Variants in CCDC150 observed in about 807,000 individuals in gnomAD.
The protein encoded by CCDC150 is coiled-coil domain containing 150.
A neutral mutation model predicts 156.5 loss-of-function variants in CCDC150; 151 were observed. The ratio of observed to expected loss-of-function variants is 0.97; its 90% CI spans 0.85 to 1.10. CCDC150 has a LOEUF of 1.10. Ranked by LOEUF, CCDC150 falls within the 50% of genes least tolerant of loss-of-function variation. CCDC150 has a pLI of 0.00. For missense variants in CCDC150, 1,312 were observed against 1,268.1 expected, an observed-to-expected ratio of 1.03 and a Z score of -0.53; for synonymous variants, 452 against 429.4, an observed-to-expected ratio of 1.05 and a Z score of -0.65.
chr2:196,645,245 A>T (rs1167115971), intron 1 of CCDC150, among the ~76,000 whole-genome samples: 2 of 152,192 alleles, frequency 1.3e-5, no homozygotes, highest in Admixed American at 1.3e-4. Context: ...CCCCACCATG[A>T]TTCTTGCTCC....
intron 15 of CCDC150, among the ~76,000 whole-genome samples, chr2:196,708,170 C>T (rs955305149): frequency 6.6e-6 from 1 of 152,086 alleles, no homozygotes; most frequent in Non-Finnish European, 1.5e-5. Flanking sequence ...TAAGAACTTC[C>T]TTTATGAATC....
chr2:196,646,495 G>A lies in CCDC150; in HGVS notation c.167G>A (p.Gly56Asp), dbSNP rs764843571. 1.9e-5 allele frequency: 31 copies of A among 1,612,346 alleles called. No homozygotes were observed. Among genetic ancestry groups the A allele is most frequent in the Non-Finnish European group, 2.5e-5 (30 of 1,179,112 alleles). ...LRDDLIMLDFGEKRGYLEAPD... is the reference protein window; with the variant it reads ...LRDDLIMLDFDEKRGYLEAPD... Reference sequence around the variant, plus strand: ...GATGACCTAATAATGTTGGATTTTGGTGAAAAAAGGTAACAAAAATGAACT... The same window carrying A: ...GATGACCTAATAATGTTGGATTTTGATGAAAAAAGGTAACAAAAATGAACT... Residue 56 changes from glycine to aspartate, a missense_variant, in exon 2 of 28, where the codon GGT becomes GAT. Coordinates refer to ENST00000389175, the MANE Select transcript of CCDC150 (RefSeq NM_001080539.2).
At chr2:196,723,687 A>G (rs1698051260) in intron 21 of CCDC150, among the ~76,000 whole-genome samples, 1 of 152,192 alleles carries the variant, frequency 6.6e-6, no homozygotes, top group Admixed American at 6.5e-5. Context: ...GGTAGAATGT[A>G]GTATCACCAG....
At chr2:196,663,053 C>G (rs1441594836) in intron 5 of CCDC150, among the ~76,000 whole-genome samples, 1 of 151,908 alleles carries the variant, frequency 6.6e-6, no homozygotes, top group Non-Finnish European at 1.5e-5. Context: ...GCCTTGGTAA[C>G]AAAGTGAGAC....
chr2:196,659,717 C>T (rs1693438926), intron 5 of CCDC150, among the ~76,000 whole-genome samples: 1 of 152,114 alleles, frequency 6.6e-6, no homozygotes, highest in South Asian at 2.1e-4. Flanking sequence ...AAAAATTATG[C>T]AGAAAACACA....
In CCDC150 at chr2:196,732,084, G is replaced by A. The variant is rs1395451985; in HGVS notation, c.3121G>A (p.Gly1041Ser). Residue 1041 changes from glycine to serine, a missense_variant, in exon 27 of 28, where the codon GGT becomes AGT. Gly to Ser is a moderately conservative substitution (Grantham distance 56). Transcript: ENST00000389175. ...AHRWFKHRFD[G>S]LQLELTKNRL... ...TCGCTGGTTTAAGCACAGGTTTGAT[G>A]GTCTACAACTTGAGCTGACAAAAAA... 12 of 1,613,642 alleles carry A rather than the reference G, an allele frequency of 7.4e-6. No homozygotes were observed. The highest frequency in any genetic ancestry group is 1.3e-5 in the African/African-American group (1 of 74,918).
chr2:196,656,585 A>C, intron 2 of CCDC150, 48 bp from the exon 3 acceptor site: 3 of 1,298,512 alleles, frequency 2.3e-6, no homozygotes, highest in Non-Finnish European at 3.2e-6. Flanking sequence ...GGATTACCAT[A>C]GTAGAAATTG....
chr2:196,653,666 C>T (rs1693010420), intron 2 of CCDC150, among the ~76,000 whole-genome samples: 1 of 152,190 alleles, frequency 6.6e-6, no homozygotes, highest in Admixed American at 6.5e-5. Context: ...TCCACTTTCC[C>T]TCGTTTTCCT....
rs371236615 is a variant in CCDC150, at chr2:196,657,107, G to T, written c.547G>T (p.Ala183Ser). 164 of 1,613,684 alleles carry T rather than the reference G, an allele frequency of 1.0e-4. No homozygotes were observed. Among genetic ancestry groups the T allele is most frequent in the Non-Finnish European group, 1.4e-4 (163 of 1,179,742 alleles). ...KAQDEVQRLT[A>S]TLKIASQTKK... The stretch of plus-strand genomic sequence containing the variant: ...ACAAGATGAGGTGCAAAGGTTGACT[G>T]CCACTCTGAAGATTGCCTCGCAGAC... The change falls in exon 4 of 28, where the codon GCC becomes TCC. Residue 183 changes from alanine to serine, a missense_variant. Coordinates refer to ENST00000389175, the MANE Select transcript of CCDC150 (RefSeq NM_001080539.2).
At chr2:196,718,849 T>G (rs1697705202) in intron 18 of CCDC150, among the ~76,000 whole-genome samples, 1 of 152,204 alleles carries the variant, frequency 6.6e-6, no homozygotes, top group African/African-American at 2.4e-5. Context: ...TTTTTAACTT[T>G]CTGTCTTAAA....
intron 2 of CCDC150, among the ~76,000 whole-genome samples, chr2:196,647,205 A>G (rs1692598060): frequency 6.6e-6 from 1 of 152,162 alleles, no homozygotes. Flanking sequence ...AATGTTGAGC[A>G]TGTTGGTAAC....
chr2:196,709,148 C>T (rs750312384), intron 15 of CCDC150, among the ~76,000 whole-genome samples: 1 of 152,186 alleles, frequency 6.6e-6, no homozygotes, highest in Non-Finnish European at 1.5e-5. Flanking sequence ...ACCAATCAAA[C>T]GTAGATTTGG....
chr2:196,729,257 T>C lies in CCDC150; in HGVS notation c.2621T>C (p.Leu874Pro). The C allele has an allele frequency of 5.0e-6, 8 of 1,608,212 alleles. No homozygotes were observed. The highest frequency in any genetic ancestry group is 5.9e-6 in the Non-Finnish European group (7 of 1,177,264). ...SVEVSRTNRE[L>P]RQKLAELEKI... is the part of the protein sequence containing the mutation. ...GAAGTGTCCCGGACCAACCGAGAGC[T>C]GCGACAGAAACTTGCAGAGCTAGAA... Residue 874 changes from leucine to proline, a missense_variant, in exon 23 of 28, where the codon CTG becomes CCG. Transcript: ENST00000389175.
chr2:196,662,856 A>T (rs907601537), intron 5 of CCDC150, among the ~76,000 whole-genome samples: 3 of 152,104 alleles, frequency 2.0e-5, no homozygotes, highest in African/African-American at 4.8e-5. Flanking sequence ...GGATCACTTG[A>T]GCCTGGGAGG....
intron 13 of CCDC150, among the ~76,000 whole-genome samples, chr2:196,685,615 CT>C (rs898846927): frequency 3.0e-4 from 44 of 144,448 alleles, no homozygotes; most frequent in Middle Eastern, 3.6e-3. Context: ...TTTTTCTTTT[CT>C]TTTTTTTTTT....
At chr2:196,712,294 G>A (rs767411612) in intron 16 of CCDC150, 42 bp downstream of exon 16, 45 of 1,101,106 alleles carry the variant, frequency 4.1e-5, no homozygotes, top group Admixed American at 1.3e-4. Context: ...GCTATATTTC[G>A]TTTTTAAGAA....
At chr2:196,712,947 T>G (rs1198386065) in intron 17 of CCDC150, among the ~76,000 whole-genome samples, 1 of 152,210 alleles carries the variant, frequency 6.6e-6, no homozygotes, top group Admixed American at 6.5e-5. Context: ...TATCATTAGG[T>G]TATTTTTTAA....
rs749877791 is a variant in CCDC150 at position 196,730,004 on chromosome 2, A to G, written c.2868A>G (p.Lys956=). 5.6e-6 allele frequency: 9 copies of G among 1,613,670 alleles called. No homozygotes were observed. In the South Asian group the frequency reaches 8.8e-5, roughly 16 times the overall value. ...RFVCEMTNLQ[K]EMQMLAKSQY... ...TGTGTGAAATGACTAACCTGCAGAAAGAGATGCAGATGTTGGCTAAGAGCC... is the reference window on the plus strand; with the variant it reads ...TGTGTGAAATGACTAACCTGCAGAAGGAGATGCAGATGTTGGCTAAGAGCC... Residue 956 remains lysine, a synonymous_variant, in exon 25 of 28, where the codon AAA becomes AAG. Coordinates refer to ENST00000389175, the MANE Select transcript of CCDC150 (RefSeq NM_001080539.2).
intron 15 of CCDC150, among the ~76,000 whole-genome samples, chr2:196,710,061 G>A (rs111260559): frequency 8.0e-4 from 122 of 152,350 alleles, no homozygotes; most frequent in African/African-American, 2.9e-3. Context: ...AGACAGGGAC[G>A]TTTAAGTCTG....
Sources: gnomAD v4.1 joint callset for allele counts (sites outside exome capture counted in the v4.1 genomes callset) on GRCh38, gnomAD v4.1.1 for gene constraint, MANE v1.5 for transcripts, NCBI Gene and HGNC (gene_info 2026-07-23, HGNC 2026-07-21) for gene names.